The following AGBL1 variants were observed in gnomAD, a reference collection of about 807,000 sequenced individuals.
The protein encoded by AGBL1 is cytosolic carboxypeptidase 4.
A neutral mutation model predicts 118.9 loss-of-function variants in AGBL1; 130 were observed. The observed-to-expected ratio is 1.09, with a 90% CI of 0.95 to 1.26. The LOEUF (loss-of-function observed/expected upper bound fraction) is 1.26. Ranked by LOEUF, AGBL1 falls within the 50% of genes most tolerant of loss-of-function variation. The probability of loss-of-function intolerance (pLI) is 0.00; values close to 1 mark genes in which losing one functional copy is unlikely to be tolerated. For missense variants in AGBL1, 1,584 were observed against 1,298.1 expected, an observed-to-expected ratio of 1.22 and a Z score of -3.38; for synonymous variants, 555 against 478.9, an observed-to-expected ratio of 1.16 and a Z score of -2.08.
intron 22 of AGBL1, among the ~76,000 whole-genome samples, chr15:86,875,878 A>G (rs948835199): frequency 6.6e-5 from 10 of 152,192 alleles, no homozygotes; most frequent in African/African-American, 1.2e-4. Context: ...CCTCACCTCA[A>G]TGTGAGACCA....
chr15:86,425,012 C>A (rs889480565), intron 18 of AGBL1, among the ~76,000 whole-genome samples: 1 of 152,170 alleles, frequency 6.6e-6, no homozygotes, highest in African/African-American at 2.4e-5. Flanking sequence ...ACCAGAAATA[C>A]CACTTGACCC....
At chr15:86,144,340 T>C (rs1184427289) in intron 3 of AGBL1, among the ~76,000 whole-genome samples, 5 of 152,124 alleles carry the variant, frequency 3.3e-5, no homozygotes, top group Non-Finnish European at 5.9e-5. Flanking sequence ...GGAATAGAAA[T>C]AATTCTATTA....
At chr15:86,973,835 G>A (rs77694458) in intron 23 of AGBL1, among the ~76,000 whole-genome samples, 7,666 of 148,346 alleles carry the variant, frequency 0.052, 267 homozygotes, top group East Asian at 0.12. Flanking sequence ...TAAAATCTGC[G>A]TACCCCCAGT....
intron 21 of AGBL1, among the ~76,000 whole-genome samples, chr15:86,654,609 C>T (rs908671081): frequency 6.6e-6 from 1 of 152,118 alleles, no homozygotes; most frequent in Non-Finnish European, 1.5e-5. Flanking sequence ...TGTTTAGAAT[C>T]CACATACATT....
At chr15:86,527,837 A>G (rs1053045226) in intron 19 of AGBL1, among the ~76,000 whole-genome samples, 37 of 152,168 alleles carry the variant, frequency 2.4e-4, no homozygotes, top group Non-Finnish European at 5.0e-4. Context: ...TAAATACCAG[A>G]CAAGTCATTC....
chr15:86,183,086 G>A (rs1452107249), intron 5 of AGBL1, among the ~76,000 whole-genome samples: 1 of 152,146 alleles, frequency 6.6e-6, no homozygotes, highest in African/African-American at 2.4e-5. Context: ...TTCTTACGTG[G>A]TTTTGACCTT....
At chr15:86,204,813 C>G (rs551077346) in intron 5 of AGBL1, among the ~76,000 whole-genome samples, 21 of 152,238 alleles carry the variant, frequency 1.4e-4, no homozygotes, top group Non-Finnish European at 2.6e-4. Context: ...TGGTCTTGAA[C>G]TCCTGACCTC....
intron 5 of AGBL1, among the ~76,000 whole-genome samples, chr15:86,216,864 C>G (rs943613809): frequency 3.3e-5 from 5 of 152,188 alleles, no homozygotes; most frequent in Admixed American, 2.6e-4. Flanking sequence ...CTGTCATCCT[C>G]AACTCTAGCA....
chr15:86,758,689 T>G (rs939005651), intron 22 of AGBL1, among the ~76,000 whole-genome samples: 4 of 152,044 alleles, frequency 2.6e-5, no homozygotes, highest in African/African-American at 9.6e-5. Flanking sequence ...AACTGATACC[T>G]GGCCAGTTGT....
At chr15:86,965,412 G>A (rs532702704) in intron 23 of AGBL1, among the ~76,000 whole-genome samples, 1 of 151,916 alleles carries the variant, frequency 6.6e-6, no homozygotes, top group African/African-American at 2.4e-5. Flanking sequence ...TCATGTGTTT[G>A]TTGGCCGCAT....
At chr15:86,847,823 C>A (rs560936759) in intron 22 of AGBL1, among the ~76,000 whole-genome samples, 2 of 152,178 alleles carry the variant, frequency 1.3e-5, no homozygotes, top group Non-Finnish European at 2.9e-5. Context: ...CACAGCTTTC[C>A]AGTCAGCTCA....
chr15:86,998,968 T>A lies in AGBL1; in HGVS notation c.3323+10880T>A, dbSNP rs559675742. Among the ~76,000 whole-genome samples, 163 of 151,254 alleles carry A rather than the reference T, an allele frequency of 1.1e-3. 6 individuals carry two copies. Among genetic ancestry groups the A allele is most frequent in the African/African-American group, 3.6e-3 (150 of 41,108 alleles). On this transcript the variant is annotated intron_variant, in intron 24 of 24. Transcript: ENST00000441037. ...ATGTTGGTGTGCTGCACTCATTAAC[T>A]CATCATTTACATTAGGTGTATCTAC...
chr15:86,448,170 A>T (rs935551555), intron 18 of AGBL1, among the ~76,000 whole-genome samples: 8 of 152,176 alleles, frequency 5.3e-5, no homozygotes, highest in African/African-American at 1.7e-4. Flanking sequence ...GAAGTATCGA[A>T]ACAGAATAAA....
chr15:86,639,609 C>G (rs906664363), intron 21 of AGBL1, among the ~76,000 whole-genome samples: 2 of 152,166 alleles, frequency 1.3e-5, no homozygotes, highest in Non-Finnish European at 2.9e-5. Flanking sequence ...CGAAATTGCT[C>G]TCTTCCTACC....
chr15:86,137,758 G>T (rs1044052174), intron 1 of AGBL1, among the ~76,000 whole-genome samples: 1 of 152,094 alleles, frequency 6.6e-6, no homozygotes, highest in Non-Finnish European at 1.5e-5. Flanking sequence ...CCCTGGGCAG[G>T]GGAGAGAGAC....
intron 22 of AGBL1, among the ~76,000 whole-genome samples, chr15:86,735,321 T>C (rs1032581451): frequency 6.6e-6 from 1 of 151,982 alleles, no homozygotes; most frequent in Admixed American, 6.6e-5. Context: ...CCTCAGGTGA[T>C]CCACCCACCT....
At chr15:86,122,983 T>A (rs777308234) in intron 1 of AGBL1, among the ~76,000 whole-genome samples, 7 of 152,184 alleles carry the variant, frequency 4.6e-5, no homozygotes, top group Non-Finnish European at 1.0e-4. Context: ...TAGCAGGCCC[T>A]GAAAGAAATC....
chr15:86,811,829 TA>T (rs1400136645), intron 22 of AGBL1, among the ~76,000 whole-genome samples: 1 of 152,166 alleles, frequency 6.6e-6, no homozygotes, highest in Non-Finnish European at 1.5e-5. Context: ...GAAGGAGTTA[TA>T]AAAAAACACA....
In AGBL1 at chr15:86,214,631, TC is replaced by T. The variant is rs142495765; in HGVS notation, c.489-10279del. ...TTATTGCAATCCCGGTCTGCTCCTT[TC>T]CCCTCAGACATTAGCTTTTTCCTTC... is the stretch of plus-strand genomic sequence containing the variant. On this transcript the variant is annotated intron_variant, in intron 5 of 22. Coordinates refer to ENST00000614907, the MANE Select transcript of AGBL1 (RefSeq NM_001386094.1). 7.9e-3 allele frequency among the ~76,000 whole-genome samples: 1,210 copies of T among 152,360 alleles called. 21 individuals carry two copies. Among genetic ancestry groups the T allele is most frequent in the African/African-American group, 0.028 (1,161 of 41,594 alleles).
Sources: allele counts gnomAD v4.1 joint callset (sites outside exome capture counted in the v4.1 genomes callset), GRCh38; gene constraint gnomAD v4.1.1; transcripts MANE v1.5; gene names NCBI Gene and HGNC (gene_info 2026-07-23, HGNC 2026-07-21).